The following KLF17 variants were observed in gnomAD, a reference collection of about 807,000 sequenced individuals.
KLF17 encodes Krueppel-like factor 17.
Under a neutral mutation model 34.2 loss-of-function variants are expected in KLF17, and 31 were observed. The ratio of observed to expected loss-of-function variants is 0.91; its 90% CI spans 0.68 to 1.22. KLF17 has a LOEUF of 1.22. Among genes scored for constraint, KLF17 ranks in the 50% most tolerant of loss-of-function variants. The pLI is 0.00. For missense variants in KLF17, 478 were observed against 505.2 expected, an observed-to-expected ratio of 0.95 and a Z score of 0.52; for synonymous variants, 179 against 186.7, an observed-to-expected ratio of 0.96 and a Z score of 0.34.
At chr1:44,058,667 C>CTTTT in the KLF17 span, among the ~76,000 whole-genome samples, 16 of 65,220 alleles carry the variant, frequency 2.5e-4, 1 homozygote, top group South Asian at 1.3e-3. Context: ...ATGGGAGGCC[C>CTTTT]TTTTTTTTTT....
At chr1:44,103,199 G>A in the KLF17 span, 1 of 617,526 alleles carries the variant, frequency 1.6e-6, no homozygotes, top group Non-Finnish European at 2.9e-6. Context: ...CTAGGGCTGA[G>A]CCTCAGGTGG....
the KLF17 span, among the ~76,000 whole-genome samples, chr1:44,098,582 G>A: frequency 0.3 from 37,792 of 125,612 alleles, 5,893 homozygotes; most frequent in Middle Eastern, 0.4. Flanking sequence ...ACTGAGTCTC[G>A]TCCTGTCACC....
chr1:44,060,173 A>G, the KLF17 span, among the ~76,000 whole-genome samples: 5 of 152,080 alleles, frequency 3.3e-5, no homozygotes, highest in African/African-American at 4.8e-5. Context: ...TTCTGTATAT[A>G]AAAAACTTGG....
rs575807158 is a variant in KLF17, at chr1:44,131,224, G to A, written c.*468G>A. Among the ~76,000 whole-genome samples the A allele has an allele frequency of 2.6e-5, 4 of 152,278 alleles. No homozygotes were observed. In the South Asian group the frequency reaches 6.2e-4, roughly 24 times the overall value. On this transcript the variant is annotated intron_variant, in intron 3 of 3. Coordinates refer to ENST00000372299, the MANE Select transcript of KLF17 (RefSeq NM_173484.4). ...GCCTACACGGAGCTCTGGAGCCAGA[G>A]ACTCCTCAAACCCTGTCTCGGATGC...
intron 1 of KLF17, chr1:44,122,564 C>A: frequency 1.3e-6 from 1 of 770,584 alleles, no homozygotes; most frequent in Non-Finnish European, 2.4e-6. Flanking sequence ...ATCCAACAAC[C>A]GAATACTGAC....
the KLF17 span, among the ~76,000 whole-genome samples, chr1:44,070,590 C>CTTTTTTTTT: frequency 3.8e-5 from 3 of 78,680 alleles, no homozygotes; most frequent in African/African-American, 1.5e-4. Flanking sequence ...TTTCCCTTGT[C>CTTTTTTTTT]TTTTTTTTTT....
the KLF17 span, among the ~76,000 whole-genome samples, chr1:44,085,731 G>A: frequency 4.9e-5 from 7 of 144,316 alleles, no homozygotes; most frequent in Admixed American, 3.0e-4. Context: ...TTGAGCCCAC[G>A]AGTTCGAGAC....
the KLF17 span, among the ~76,000 whole-genome samples, chr1:44,071,275 C>T: frequency 6.6e-6 from 1 of 152,318 alleles, no homozygotes; most frequent in Non-Finnish European, 1.5e-5. Context: ...GTTGTTGGAG[C>T]TCTGAGCTGG....
the KLF17 span, among the ~76,000 whole-genome samples, chr1:44,099,228 A>G: frequency 1.3e-5 from 2 of 150,708 alleles, no homozygotes; most frequent in African/African-American, 2.4e-5. Context: ...ACACCATCAA[A>G]CCCCGTCTCC....
At chr1:44,090,970 A>ACG in the KLF17 span, among the ~76,000 whole-genome samples, 3 of 151,726 alleles carry the variant, frequency 2.0e-5, 1 homozygote, top group Middle Eastern at 6.8e-3. Flanking sequence ...GCACACACAC[A>ACG]CACAGAGCCA....
At chr1:44,056,220 C>G in the KLF17 span, among the ~76,000 whole-genome samples, 1 of 152,188 alleles carries the variant, frequency 6.6e-6, no homozygotes, top group Non-Finnish European at 1.5e-5. Flanking sequence ...ACTCTCCAGC[C>G]TCACTAGGGA....
intron 1 of KLF17, among the ~76,000 whole-genome samples, chr1:44,125,305 A>G (rs2087994706): frequency 6.6e-6 from 1 of 152,202 alleles, no homozygotes; most frequent in South Asian, 2.1e-4. Context: ...TGCCGTATAT[A>G]GGATGGTTAA....
the KLF17 span, among the ~76,000 whole-genome samples, chr1:44,100,212 C>A: frequency 6.7e-6 from 1 of 148,720 alleles, no homozygotes; most frequent in Non-Finnish European, 1.5e-5. Flanking sequence ...GAGCCGAGAT[C>A]ACGCCACTGA....
chr1:44,065,405 GTTTTTTTTTTTTT>G, the KLF17 span, among the ~76,000 whole-genome samples: 1 of 119,018 alleles, frequency 8.4e-6, no homozygotes, highest in Admixed American at 8.7e-5. Context: ...ATAATCCTTG[GTTTTTTTTTTTTT>G]TTTTTTTTTG....
chr1:44,098,364 A>G, the KLF17 span, among the ~76,000 whole-genome samples: 2 of 151,880 alleles, frequency 1.3e-5, no homozygotes, highest in African/African-American at 2.4e-5. Context: ...TAATTAGTCT[A>G]TCTAAAGGGT....
At chr1:44,088,767 A>G in the KLF17 span, among the ~76,000 whole-genome samples, 2 of 152,182 alleles carry the variant, frequency 1.3e-5, no homozygotes, top group African/African-American at 4.8e-5. Context: ...ATGAGGGCAC[A>G]GTGGTAAGAT....
chr1:44,135,008 CATGTT>C lies in KLF17; in HGVS notation c.*1773_*1777del, dbSNP rs779699922. 17 of 151,390 alleles carry C rather than the reference CATGTT, an allele frequency of 1.1e-4. No homozygotes were observed. Among genetic ancestry groups the C allele is most frequent in the South Asian group, 6.3e-4 (3 of 4,780 alleles). 9.4% of individuals were successfully genotyped at this position (151,390 alleles called of 1,614,324 possible). A position where few individuals can be genotyped will look rare whatever the true frequency, so the allele number is the denominator to read the frequency against. On this transcript the variant is annotated 3_prime_UTR_variant, in exon 4 of 4. Transcript: ENST00000372299. Reference sequence around the variant, plus strand: ...TATCCAATTTAATAATAAATGCACTCATGTTAGGAAGGTCAAAAAAAAGGAAAAAA... The same window carrying C: ...TATCCAATTTAATAATAAATGCACTCAGGAAGGTCAAAAAAAAGGAAAAAA...
At chr1:44,132,029 G>A (rs1396960157) in intron 3 of KLF17, among the ~76,000 whole-genome samples, 3 of 152,138 alleles carry the variant, frequency 2.0e-5, no homozygotes, top group South Asian at 2.1e-4. Flanking sequence ...ATTTGAGGCC[G>A]GGCGCAGTGG....
chr1:44,072,111 A>G, the KLF17 span, among the ~76,000 whole-genome samples: 1 of 152,098 alleles, frequency 6.6e-6, no homozygotes, highest in Non-Finnish European at 1.5e-5. Context: ...AGGCGGATAC[A>G]ACAGGACTTG....
Sources: allele counts gnomAD v4.1 joint callset (sites outside exome capture counted in the v4.1 genomes callset), GRCh38; gene constraint gnomAD v4.1.1; transcripts MANE v1.5; gene names NCBI Gene and HGNC (gene_info 2026-07-23, HGNC 2026-07-21).